RHOBTB1: variants seen among roughly 807,000 people sequenced by gnomAD.
RHOBTB1 encodes Rho related BTB domain containing 1.
A neutral mutation model predicts 71.6 loss-of-function variants in RHOBTB1; 40 were observed. That is an observed-to-expected ratio of 0.56 (90% CI 0.43 to 0.73). The LOEUF (loss-of-function observed/expected upper bound fraction) is 0.73, where lower values mean the gene tolerates loss of function less well. Among genes scored for constraint, RHOBTB1 ranks in the 30% least tolerant of loss-of-function variants. The probability of loss-of-function intolerance (pLI) is 0.00; values close to 1 mark genes in which losing one functional copy is unlikely to be tolerated. For missense variants in RHOBTB1, 797 were observed against 894.0 expected, an observed-to-expected ratio of 0.89 and a Z score of 1.38; for synonymous variants, 319 against 334.9, an observed-to-expected ratio of 0.95 and a Z score of 0.52.
At chr10:60,864,214 G>A in the RHOBTB1 span, among the ~76,000 whole-genome samples, 2 of 152,264 alleles carry the variant, frequency 1.3e-5, no homozygotes, top group South Asian at 4.1e-4. Context: ...CTTCACCTCA[G>A]GCTCTGTTTC....
chr10:60,982,049 G>T (rs1182435802), intron 2 of RHOBTB1, among the ~76,000 whole-genome samples: 1 of 152,186 alleles, frequency 6.6e-6, no homozygotes, highest in Non-Finnish European at 1.5e-5. Context: ...GGGATTACAG[G>T]CATGAGCCAC....
intron 4 of RHOBTB1, among the ~76,000 whole-genome samples, chr10:60,905,449 C>CAAAAAAAAAAAA (rs35538782): frequency 4.1e-5 from 2 of 48,974 alleles, no homozygotes; most frequent in Non-Finnish European, 7.7e-5. Context: ...GACTCTTTCT[C>CAAAAAAAAAAAA]AAAAAAAAAA....
chr10:60,938,577 C>T (rs187291684), intron 2 of RHOBTB1, among the ~76,000 whole-genome samples: 15 of 152,260 alleles, frequency 9.9e-5, no homozygotes, highest in African/African-American at 2.6e-4. Context: ...ATGACCTAAG[C>T]AGTTAGCCAA....
intron 2 of RHOBTB1, among the ~76,000 whole-genome samples, chr10:60,911,911 T>C (rs1313338492): frequency 6.6e-6 from 1 of 152,168 alleles, no homozygotes; most frequent in Non-Finnish European, 1.5e-5. Flanking sequence ...GTTGGCCTGC[T>C]AGCAAGTCCG....
chr10:60,991,377 C>A (rs10821866), intron 1 of RHOBTB1, among the ~76,000 whole-genome samples: 78,919 of 150,958 alleles, frequency 0.52, 20,873 homozygotes, highest in East Asian at 0.73. Context: ...CATCCCCAGA[C>A]TTAAGCAGTT....
intron 4 of RHOBTB1, among the ~76,000 whole-genome samples, chr10:60,897,246 C>T (rs940941989): frequency 6.6e-6 from 1 of 152,150 alleles, no homozygotes; most frequent in African/African-American, 2.4e-5. Context: ...GGGAAAAGAT[C>T]AGAGAAGCAA....
In RHOBTB1 at chr10:60,889,047, C is replaced by A; in HGVS notation, c.621G>T (p.Ala207=). ...ATTGCAGGTGCCTGCGGGAAATCAG[C>A]GCTGCTCGGATTGCATTGTCAAACA... ...KDVFDNAIRA[A]LISRRHLQFW... Residue 207 remains alanine (A), a synonymous_variant, in exon 6 of 11, where the codon GCG becomes GCT. Coordinates refer to ENST00000337910, the MANE Select transcript of RHOBTB1 (RefSeq NM_014836.5). 6.2e-7 allele frequency: 1 copy of A among 1,614,148 alleles called. No individual in the cohort carries two copies. Among genetic ancestry groups the A allele is most frequent in the Non-Finnish European group, 8.5e-7 (1 of 1,180,028 alleles).
At chr10:60,911,251 T>C in intron 3 of RHOBTB1, 100 bp downstream of exon 3, 1 of 1,210,210 alleles carries the variant, frequency 8.3e-7, no homozygotes, top group Non-Finnish European at 1.1e-6. Context: ...AGTTTTGTTT[T>C]GAATGTGTAA....
intron 1 of RHOBTB1, among the ~76,000 whole-genome samples, chr10:60,989,928 G>GCAGGTTCAA (rs2086797971): frequency 6.6e-6 from 1 of 151,522 alleles, no homozygotes; most frequent in Admixed American, 6.6e-5. Context: ...CTCTTGGTAT[G>GCAGGTTCAA]CAGGTTCAAT....
At chr10:60,958,523 A>G (rs2085671215) in intron 2 of RHOBTB1, among the ~76,000 whole-genome samples, 1 of 152,102 alleles carries the variant, frequency 6.6e-6, no homozygotes. Context: ...ATTTTTTTTC[A>G]GGAGAATCTC....
chr10:60,867,488 G>A (rs1412053569), downstream of RHOBTB1, among the ~76,000 whole-genome samples: 2 of 152,196 alleles, frequency 1.3e-5, no homozygotes, highest in Non-Finnish European at 2.9e-5. Context: ...ATGTCGCTGT[G>A]GAAACTGAAC....
At chr10:60,930,719 G>A (rs1215775082) in intron 2 of RHOBTB1, among the ~76,000 whole-genome samples, 1 of 152,112 alleles carries the variant, frequency 6.6e-6, no homozygotes, top group African/African-American at 2.4e-5. Context: ...TCTTTGAAAT[G>A]TTTCCCTCTG....
intron 2 of RHOBTB1, among the ~76,000 whole-genome samples, chr10:60,932,898 G>A (rs2084343040): frequency 6.6e-6 from 1 of 152,212 alleles, no homozygotes. Context: ...CTCACTGAAA[G>A]CATTCTCTAA....
rs773935027 is a variant in RHOBTB1 at position 60,869,714 on chromosome 10, C to T, written c.*1768G>A. On this transcript the variant is annotated 3_prime_UTR_variant, in exon 11 of 11. Transcript: ENST00000337910. ...TCTTCTACCATTTTATGGTGGGATA[C>T]ATGTCAATTCTTCCACATCTTGTCT... The T allele has an allele frequency of 2.6e-5, 4 of 152,614 alleles. No individual in the cohort carries two copies. Among genetic ancestry groups the T allele is most frequent in the Non-Finnish European group, 4.4e-5 (3 of 68,042 alleles). The allele number at this position is 152,614 out of a possible 1,614,324, so 9.5% of individuals were successfully genotyped here. A position where few individuals can be genotyped will look rare whatever the true frequency, so the allele number is the denominator to read the frequency against.
chr10:60,948,445 G>A (rs948222086), upstream of RHOBTB1, among the ~76,000 whole-genome samples: 2 of 151,706 alleles, frequency 1.3e-5, no homozygotes, highest in Non-Finnish European at 2.9e-5. Context: ...ACGTGTAGTC[G>A]AGGCTGAGCC....
At chr10:60,920,488 G>C (rs1338597928) in intron 2 of RHOBTB1, among the ~76,000 whole-genome samples, 1 of 152,128 alleles carries the variant, frequency 6.6e-6, no homozygotes, top group African/African-American at 2.4e-5. Context: ...TGGGGAAGCC[G>C]GAAGGTTAGA....
In RHOBTB1 at chr10:60,871,397, A is replaced by T; in HGVS notation, c.*85T>A. The T allele has an allele frequency of 1.4e-6, 2 of 1,410,104 alleles. No homozygotes were observed. The highest frequency in any genetic ancestry group is 1.9e-6 in the Non-Finnish European group (2 of 1,028,466). The allele number at this position is 1,410,104 out of a possible 1,614,324, so 87.3% of individuals were successfully genotyped here. A position where few individuals can be genotyped will look rare whatever the true frequency, so the allele number is the denominator to read the frequency against. ...ACCTGAACTATGTCGTATCTCTAAC[A>T]AGACGAATTTTATAGTAGTGCTTTG... On this transcript the variant is annotated 3_prime_UTR_variant, in exon 11 of 11. Coordinates refer to ENST00000337910, the MANE Select transcript of RHOBTB1 (RefSeq NM_014836.5).
At position 60,886,717 on chromosome 10, in the gene RHOBTB1, T is replaced by TCGG. The variant is rs142829911; in HGVS notation, c.1457-488_1457-487insCCG. Among the ~76,000 whole-genome samples the TCGG allele has an allele frequency of 3.3e-3, 456 of 137,462 alleles. 2 individuals carry two copies. Among genetic ancestry groups the TCGG allele is most frequent in the South Asian group, 5.5e-3 (22 of 4,034 alleles). The allele number at this position is 137,462 out of a possible 152,430, so 90.2% of individuals were successfully genotyped here. A position where few individuals can be genotyped will look rare whatever the true frequency, so the allele number is the denominator to read the frequency against. ...GAATTACTGTTTTTTTTAAGAGATG[T>TCGG]GGGGGGGGGTGGGTCTGGCTATGTT... On this transcript the variant is annotated intron_variant, in intron 6 of 10. Coordinates refer to ENST00000337910, the MANE Select transcript of RHOBTB1 (RefSeq NM_014836.5).
intron 8 of RHOBTB1, among the ~76,000 whole-genome samples, chr10:60,876,238 C>T (rs1016108888): frequency 1.3e-5 from 2 of 152,152 alleles, no homozygotes; most frequent in African/African-American, 4.8e-5. Flanking sequence ...ATGTTCTAAA[C>T]ACTCTACACT....
Sources: allele counts gnomAD v4.1 joint callset (sites outside exome capture counted in the v4.1 genomes callset), GRCh38; gene constraint gnomAD v4.1.1; transcripts MANE v1.5; gene names NCBI Gene and HGNC (gene_info 2026-07-23, HGNC 2026-07-21).